The following GPHN variants were observed in gnomAD, a reference collection of about 807,000 sequenced individuals.
The protein encoded by GPHN is gephyrin.
A neutral mutation model predicts 95.5 loss-of-function variants in GPHN; 17 were observed. The observed-to-expected ratio is 0.18, with a 90% CI of 0.12 to 0.27. The LOEUF (loss-of-function observed/expected upper bound fraction) is 0.27. Ranked by LOEUF, GPHN falls within the 10% of genes least tolerant of loss-of-function variation. GPHN has a pLI of 1.00. For synonymous variants in GPHN, 320 were observed against 322.5 expected (o/e 0.99, Z 0.08); for missense variants, 660 against 978.1 (o/e 0.67, Z 4.34).
the GPHN span, among the ~76,000 whole-genome samples, chr14:67,283,691 T>C: frequency 6.6e-6 from 1 of 152,090 alleles, no homozygotes; most frequent in Non-Finnish European, 1.5e-5. Flanking sequence ...AATTCTGTGA[T>C]TTAGTCAGGT....
intron 1 of GPHN, among the ~76,000 whole-genome samples, chr14:66,611,335 G>T (rs955973487): frequency 2.6e-5 from 4 of 152,090 alleles, no homozygotes; most frequent in African/African-American, 7.2e-5. Flanking sequence ...GGTGGTAGGG[G>T]CTGGAACAAA....
At chr14:67,264,658 T>A in the GPHN span, among the ~76,000 whole-genome samples, 7 of 152,206 alleles carry the variant, frequency 4.6e-5, no homozygotes, top group African/African-American at 7.2e-5. Flanking sequence ...AGGATCTAGA[T>A]GGTTAGTAAA....
intron 1 of GPHN, among the ~76,000 whole-genome samples, chr14:66,548,581 T>C (rs2059693388): frequency 1.3e-5 from 2 of 152,196 alleles, no homozygotes; most frequent in Non-Finnish European, 2.9e-5. Context: ...AGTTTCCCCA[T>C]CTCTCTCGCT....
chr14:67,199,230 G>A, the GPHN span: 1 of 1,605,478 alleles, frequency 6.2e-7, no homozygotes, highest in East Asian at 2.2e-5. Flanking sequence ...CCAAGGCTAT[G>A]ACTTTGTGAA....
the GPHN span, among the ~76,000 whole-genome samples, chr14:67,544,440 A>G: frequency 8.4e-4 from 128 of 152,356 alleles, no homozygotes; most frequent in African/African-American, 2.9e-3. Flanking sequence ...CCACACAGAA[A>G]AAAAGCCTTA....
At chr14:67,393,272 A>AC in the GPHN span, 1 of 1,494,300 alleles carries the variant, frequency 6.7e-7, no homozygotes, top group Non-Finnish European at 9.3e-7. Flanking sequence ...AGGAGAGGGA[A>AC]CCCTCATCAC....
At chr14:67,282,877 T>C in the GPHN span, among the ~76,000 whole-genome samples, 9 of 152,106 alleles carry the variant, frequency 5.9e-5, no homozygotes, top group Non-Finnish European at 1.0e-4. Context: ...AATTTTCATA[T>C]ATTTCTATAT....
At chr14:67,359,786 A>ACGGGAGTCAG in the GPHN span, 1 of 1,484,100 alleles carries the variant, frequency 6.7e-7, no homozygotes, top group Admixed American at 1.7e-5. Context: ...GTCTTCCTCT[A>ACGGGAGTCAG]CGGGAGTCAG....
At chr14:67,226,961 T>A in the GPHN span, among the ~76,000 whole-genome samples, 1 of 152,204 alleles carries the variant, frequency 6.6e-6, no homozygotes. Flanking sequence ...CATCTTTCAA[T>A]ATAATATAGA....
chr14:67,417,632 T>C, the GPHN span, among the ~76,000 whole-genome samples: 1 of 152,200 alleles, frequency 6.6e-6, no homozygotes, highest in African/African-American at 2.4e-5. Flanking sequence ...AGATGGCCTA[T>C]GTTGCTCAGG....
At chr14:67,145,791 G>A (rs539943845) in intron 18 of GPHN, among the ~76,000 whole-genome samples, 2 of 152,314 alleles carry the variant, frequency 1.3e-5, no homozygotes, top group East Asian at 3.9e-4. Flanking sequence ...GAAAAATTCA[G>A]AAGTATTATG....
the GPHN span, among the ~76,000 whole-genome samples, chr14:67,449,393 C>A: frequency 6.6e-6 from 1 of 152,100 alleles, no homozygotes; most frequent in South Asian, 2.1e-4. Flanking sequence ...GGTAGGCACT[C>A]GGGAGGGCCT....
chr14:67,186,549 C>CT (rs1280113273), downstream of GPHN, among the ~76,000 whole-genome samples: 1 of 152,174 alleles, frequency 6.6e-6, no homozygotes, highest in African/African-American at 2.4e-5. Flanking sequence ...GGAATCACAG[C>CT]TTAGAAGCTC....
the GPHN span, among the ~76,000 whole-genome samples, chr14:67,675,921 C>T: frequency 1.3e-5 from 2 of 151,846 alleles, no homozygotes; most frequent in Non-Finnish European, 2.9e-5. Context: ...CATGGTGAAA[C>T]CCCCGTCTCT....
chr14:67,441,289 AG>A, the GPHN span, among the ~76,000 whole-genome samples: 1 of 152,190 alleles, frequency 6.6e-6, no homozygotes, highest in Non-Finnish European at 1.5e-5. Context: ...AGCATAGGCC[AG>A]AGACATTTGG....
At chr14:67,088,353 A>G (rs1009991500) in intron 11 of GPHN, among the ~76,000 whole-genome samples, 57 of 152,318 alleles carry the variant, frequency 3.7e-4, no homozygotes, top group African/African-American at 1.3e-3. Flanking sequence ...ATACACATAT[A>G]TCTTAATACA....
intron 9 of GPHN, among the ~76,000 whole-genome samples, chr14:67,011,586 A>AAG (rs1555463468): frequency 0.018 from 2,686 of 150,282 alleles, 38 homozygotes; most frequent in Non-Finnish European, 0.027. Context: ...AAAAAAAAAA[A>AAG]AAAAAAAAAA....
intron 1 of GPHN, among the ~76,000 whole-genome samples, chr14:66,586,468 G>C (rs960531267): frequency 4.6e-5 from 7 of 152,188 alleles, no homozygotes; most frequent in Non-Finnish European, 1.0e-4. Flanking sequence ...AGTTGATGCA[G>C]TTTCTTCCTA....
the GPHN span, among the ~76,000 whole-genome samples, chr14:67,460,329 C>T: frequency 6.6e-6 from 1 of 152,178 alleles, no homozygotes; most frequent in Non-Finnish European, 1.5e-5. Flanking sequence ...CCTACTCTCC[C>T]TATCCTCAGT....
Sources: gnomAD v4.1 joint callset for allele counts (sites outside exome capture counted in the v4.1 genomes callset) on GRCh38, gnomAD v4.1.1 for gene constraint, MANE v1.5 for transcripts, NCBI Gene and HGNC (gene_info 2026-07-23, HGNC 2026-07-21) for gene names.